The following MYO18B variants were observed in gnomAD, a reference collection of about 807,000 sequenced individuals.
MYO18B encodes the protein unconventional myosin-XVIIIb.
MYO18B carries 204 observed loss-of-function variants against 273.0 expected under a neutral mutation model. The observed-to-expected ratio is 0.75, with a 90% CI of 0.67 to 0.84. MYO18B has a LOEUF of 0.84. Among genes scored for constraint, MYO18B ranks in the 40% least tolerant of loss-of-function variants. MYO18B has a pLI of 0.00. For missense variants in MYO18B, 3,212 were observed against 3,287.6 expected, an observed-to-expected ratio of 0.98 and a Z score of 0.56; for synonymous variants, 1,330 against 1,305.7, an observed-to-expected ratio of 1.02 and a Z score of -0.40.
At chr22:25,953,672 A>G (rs998067760) in intron 38 of MYO18B, 5 of 152,224 alleles carry the variant, frequency 3.3e-5, no homozygotes, top group Admixed American at 3.3e-4. Flanking sequence ...TATATTTTAA[A>G]TAATTAAATA....
At chr22:26,016,424 C>T (rs989614391) in intron 42 of MYO18B, among the ~76,000 whole-genome samples, 5 of 152,180 alleles carry the variant, frequency 3.3e-5, no homozygotes, top group Non-Finnish European at 7.3e-5. Flanking sequence ...TGATCACATC[C>T]TGTAGAAATG....
intron 39 of MYO18B, among the ~76,000 whole-genome samples, chr22:25,965,249 A>G (rs2092964929): frequency 1.3e-5 from 2 of 152,222 alleles, no homozygotes; most frequent in African/African-American, 4.8e-5. Flanking sequence ...GGAAAAGTGT[A>G]AAGAATGGGA....
At chr22:25,871,734 G>A (rs1569134595) in intron 22 of MYO18B, among the ~76,000 whole-genome samples, 1 of 152,140 alleles carries the variant, frequency 6.6e-6, no homozygotes, top group South Asian at 2.1e-4. Context: ...TGGGAAAGGT[G>A]TGATTCCACG....
Position 25,898,173 on chromosome 22 carries a change from A to G in MYO18B, c.4669-134A>G. The G allele has an allele frequency of 4.0e-6, 4 of 999,794 alleles. No homozygotes were observed. In the South Asian group the frequency reaches 7.4e-5, roughly 18 times the overall value. The allele number at this position is 999,794 out of a possible 1,614,324, so 61.9% of individuals were successfully genotyped here. A position where few individuals can be genotyped will look rare whatever the true frequency, so the allele number is the denominator to read the frequency against. ...AGGTGACCCTGGAGGAAGGTAGTCA[A>G]GACAGGGTCTCCCCATTCCAGCATC... On this transcript the variant is annotated intron_variant, in intron 28 of 43. Transcript: ENST00000335473.
rs368617132 is a variant in MYO18B at position 25,947,763 on chromosome 22, C to T, written c.5683C>T (p.Arg1895Cys). Residue 1895 changes from arginine (R) to cysteine (C), a missense_variant, in exon 36 of 44, where the codon CGC becomes TGC. By Grantham distance (180) the Arg-to-Cys change is radical (BLOSUM62 -3). Coordinates refer to ENST00000335473, the MANE Select transcript of MYO18B (RefSeq NM_032608.7). ...GTTTGAGAAGGCGGACCTCCTGAAG[C>T]GCATCGATGAGGACCAGGATGACCT... ...LQFEKADLLKRIDEDQDDLNE... is the reference protein window; with the variant it reads ...LQFEKADLLKCIDEDQDDLNE... 39 of 1,613,682 alleles carry T rather than the reference C, an allele frequency of 2.4e-5. No individual in the cohort carries two copies. The highest frequency in any genetic ancestry group is 6.7e-5 in the African/African-American group (5 of 74,888).
chr22:26,001,723 T>G lies in MYO18B; in HGVS notation c.6288-1542T>G, dbSNP rs1177057709. ...AGGAGCATGTGGAAGAGTAAGGAGATGAGAAGATGCCCAGCATGATTAGAC... is the reference window on the plus strand; with the variant it reads ...AGGAGCATGTGGAAGAGTAAGGAGAGGAGAAGATGCCCAGCATGATTAGAC... On this transcript the variant is annotated intron_variant, in intron 40 of 43. Coordinates refer to ENST00000335473, the MANE Select transcript of MYO18B (RefSeq NM_032608.7). Among the ~76,000 whole-genome samples, 3 of 152,088 alleles carry G rather than the reference T, an allele frequency of 2.0e-5. No homozygotes were observed. The East Asian group carries it at 5.8e-4, about 29-fold the overall frequency.
At chr22:25,839,236 G>A (rs1359300559) in intron 17 of MYO18B, among the ~76,000 whole-genome samples, 2 of 151,754 alleles carry the variant, frequency 1.3e-5, no homozygotes, top group African/African-American at 4.8e-5. Context: ...ATATATGTAT[G>A]AGTGTGTTTG....
chr22:25,790,942 A>G (rs2087634124), intron 11 of MYO18B, among the ~76,000 whole-genome samples: 1 of 152,032 alleles, frequency 6.6e-6, no homozygotes, highest in Non-Finnish European at 1.5e-5. Flanking sequence ...AGTACTGTGG[A>G]CCCAGCTCAG....
rs933478981 is a variant in MYO18B at position 25,921,406 on chromosome 22, C to T, written c.5514C>T (p.Ser1838=). The T allele has an allele frequency of 3.7e-6, 6 of 1,600,702 alleles. No homozygotes were observed. The highest frequency in any genetic ancestry group is 1.3e-5 in the African/African-American group (1 of 74,830). ...AGGAGGAGCTGGAGAAAGTGCACAG[C>T]CAGGTGGGTGTCACGGGATCCCCTT... ...VSKEELEKVH[S]QLEQSEAKCE... Residue 1838 remains serine (S), a synonymous_variant, in exon 34 of 44, where the codon AGC becomes AGT. Transcript: ENST00000335473.
chr22:25,867,852 CG>C (rs1413558497), intron 21 of MYO18B, among the ~76,000 whole-genome samples: 1 of 152,084 alleles, frequency 6.6e-6, no homozygotes, highest in Non-Finnish European at 1.5e-5. Context: ...AGGATGGTCT[CG>C]ATCTCCTGAC....
Position 25,780,098 on chromosome 22 carries a change from G to T in MYO18B, c.2111G>T (p.Gly704Val). The T allele has an allele frequency of 6.2e-7, 1 of 1,600,206 alleles. No homozygotes were observed. The stretch of plus-strand genomic sequence containing the variant: ...ACCTTCACTGTCCTCCGGGCCTTCG[G>T]CTCTGTGTCCATGGCCCACAGCCGC... ...RATFTVLRAFGSVSMAHSRSA... is the reference protein window; with the variant it reads ...RATFTVLRAFVSVSMAHSRSA... The change falls in exon 9 of 44, where the codon GGC becomes GTC. Residue 704 changes from glycine to valine, a missense_variant. Coordinates refer to ENST00000335473, the MANE Select transcript of MYO18B (RefSeq NM_032608.7).
chr22:25,803,857 G>A (rs1439649068), intron 12 of MYO18B, among the ~76,000 whole-genome samples: 1 of 152,048 alleles, frequency 6.6e-6, no homozygotes, highest in African/African-American at 2.4e-5. Context: ...CTCTGGGTCT[G>A]TGTCCCCAGT....
At chr22:25,901,349 A>C (rs1458164129) in intron 29 of MYO18B, 1 of 152,264 alleles carries the variant, frequency 6.6e-6, no homozygotes, top group Admixed American at 6.5e-5. Flanking sequence ...ACTGAAAGTC[A>C]CACCTTACTG....
chr22:26,050,613 A>G, the MYO18B span, among the ~76,000 whole-genome samples: 1 of 152,170 alleles, frequency 6.6e-6, no homozygotes, highest in Non-Finnish European at 1.5e-5. Flanking sequence ...ACGTAGGAAT[A>G]TGGAAGTCAG....
intron 13 of MYO18B, among the ~76,000 whole-genome samples, chr22:25,825,660 C>T (rs2089464926): frequency 6.6e-6 from 1 of 152,210 alleles, no homozygotes. Flanking sequence ...TCATACCTGA[C>T]TTTAAGCATT....
At chr22:25,797,765 T>A (rs762392435) in intron 11 of MYO18B, among the ~76,000 whole-genome samples, 188 bp from the exon 12 acceptor site, 3 of 151,996 alleles carry the variant, frequency 2.0e-5, no homozygotes, top group Non-Finnish European at 4.4e-5. Context: ...CAGAGAAAAA[T>A]GATTTGGATA....
rs370752977 is a variant in MYO18B at position 25,763,383 on chromosome 22, A to G, written c.192A>G (p.Glu64=). 1 of 1,609,128 alleles carries G rather than the reference A, an allele frequency of 6.2e-7. No homozygotes were observed. Among genetic ancestry groups the G allele is most frequent in the East Asian group, 2.2e-5 (1 of 44,832 alleles). The part of the protein sequence containing the change: ...QRKQLAVASP[E]REIPEISISQ... ...AGCAGTTAGCTGTCGCCTCTCCAGA[A>G]CGAGAGGTAAGTGGTTCCTAAGAAG... The change falls in exon 3 of 44, where the codon GAA becomes GAG. Residue 64 remains glutamate, a synonymous_variant. Transcript: ENST00000335473.
At chr22:26,015,937 T>G (rs1409306948) in intron 42 of MYO18B, among the ~76,000 whole-genome samples, 1 of 152,212 alleles carries the variant, frequency 6.6e-6, no homozygotes, top group East Asian at 1.9e-4. Flanking sequence ...ATCTCTATAT[T>G]GACAGCATCT....
chr22:25,772,252 G>T, intron 6 of MYO18B, 82 bp from the exon 7 acceptor site: 2 of 1,322,842 alleles, frequency 1.5e-6, no homozygotes, highest in South Asian at 2.8e-5. Flanking sequence ...CTTAGTGTGT[G>T]TTTGGTTGCG....
Sources: allele counts gnomAD v4.1 joint callset (sites outside exome capture counted in the v4.1 genomes callset), GRCh38; gene constraint gnomAD v4.1.1; transcripts MANE v1.5; gene names NCBI Gene and HGNC (gene_info 2026-07-23, HGNC 2026-07-21).